The following STPG2 variants were observed in gnomAD, a reference collection of about 807,000 sequenced individuals.
STPG2 encodes sperm tail PG-rich repeat containing 2, also known as sperm-tail PG-rich repeat-containing protein 2.
STPG2 carries 56 observed loss-of-function variants against 54.2 expected under a neutral mutation model. That is an observed-to-expected ratio of 1.03 (90% CI 0.83 to 1.29). The LOEUF is 1.29. Among genes scored for constraint, STPG2 ranks in the 50% most tolerant of loss-of-function variants. STPG2 has a pLI of 0.00. For missense variants in STPG2, 596 were observed against 544.9 expected (o/e 1.09, Z -0.93); for synonymous variants, 200 against 181.8 (o/e 1.10, Z -0.81).
At chr4:97,728,225 A>C (rs1724682161) in intron 9 of STPG2, among the ~76,000 whole-genome samples, 1 of 152,008 alleles carries the variant, frequency 6.6e-6, no homozygotes. Context: ...TCAAAAAAAA[A>C]ATCTCAGCAG....
At chr4:97,946,620 G>C (rs57215113) in intron 7 of STPG2, among the ~76,000 whole-genome samples, 1 of 152,206 alleles carries the variant, frequency 6.6e-6, no homozygotes, top group African/African-American at 2.4e-5. Context: ...TAGCTATTCA[G>C]TTTTCCCAGG....
intron 7 of STPG2, among the ~76,000 whole-genome samples, chr4:97,958,067 G>C (rs953052506): frequency 1.2e-4 from 18 of 152,100 alleles, no homozygotes; most frequent in African/African-American, 3.6e-4. Flanking sequence ...CCAGTACTTT[G>C]GGAGGCAGAG....
At chr4:97,943,625 C>T (rs1733078234) in intron 8 of STPG2, among the ~76,000 whole-genome samples, 1 of 152,156 alleles carries the variant, frequency 6.6e-6, no homozygotes, top group Non-Finnish European at 1.5e-5. Context: ...TACAACACAG[C>T]AAGTTCAGCT....
chr4:97,981,075 T>C lies in STPG2; in HGVS notation c.772+84A>G, dbSNP rs1296881202. 5 of 1,414,456 alleles carry C rather than the reference T, an allele frequency of 3.5e-6. No homozygotes were observed. In the Admixed American group the frequency reaches 7.0e-5, roughly 20 times the overall value. The allele number at this position is 1,414,456 out of a possible 1,614,324, so 87.6% of individuals were successfully genotyped here. On this transcript the variant is annotated intron_variant, in intron 6 of 10. Transcript: ENST00000295268. ...CAACCATAGGACAAAAAAGAAAACA[T>C]ACTCTCTGGTGTATCCATCTTGTTA...
At chr4:97,509,153 G>A (rs1467861706) in intron 4 of STPG2, among the ~76,000 whole-genome samples, 2 of 151,926 alleles carry the variant, frequency 1.3e-5, no homozygotes, top group South Asian at 2.1e-4. Context: ...CCAGGGTTTC[G>A]ATTTTGAACC....
At chr4:97,480,618 T>C (rs1730196520) in intron 4 of STPG2, among the ~76,000 whole-genome samples, 1 of 151,584 alleles carries the variant, frequency 6.6e-6, no homozygotes, top group Non-Finnish European at 1.5e-5. Context: ...ATTTTCTTTT[T>C]AATTTTAGCT....
At chr4:97,658,709 T>C (rs1272882900) in intron 10 of STPG2, among the ~76,000 whole-genome samples, 1 of 152,038 alleles carries the variant, frequency 6.6e-6, no homozygotes, top group East Asian at 1.9e-4. Context: ...TTGCAAGGAG[T>C]ACTTGATTTG....
rs191939318 is a variant in STPG2, at chr4:97,994,693, G to A, written c.613-13375C>T. 1.4e-3 allele frequency among the ~76,000 whole-genome samples: 215 copies of A among 152,286 alleles called. 2 individuals carry two copies. Among genetic ancestry groups the A allele is most frequent in the Admixed American group, 2.6e-3 (40 of 15,296 alleles). On this transcript the variant is annotated intron_variant, in intron 5 of 10. Coordinates refer to ENST00000295268, the MANE Select transcript of STPG2 (RefSeq NM_174952.3). The stretch of plus-strand genomic sequence containing the variant: ...GCCATGAATACCAGCACCTACTCTG[G>A]TGGAGGTAGCAGGGGAGTGAAGTGG...
At chr4:97,702,737 G>T (rs1723814229) in intron 10 of STPG2, among the ~76,000 whole-genome samples, 1 of 152,128 alleles carries the variant, frequency 6.6e-6, no homozygotes, top group South Asian at 2.1e-4. Context: ...AGTGTCCCCA[G>T]CTTCATCAGG....
chr4:97,493,008 T>G (rs958767005), intron 4 of STPG2, among the ~76,000 whole-genome samples: 11 of 150,060 alleles, frequency 7.3e-5, no homozygotes, highest in Middle Eastern at 3.4e-3. Flanking sequence ...AGTAATGTCC[T>G]GAGATTTCTG....
chr4:97,961,160 A>G (rs983565937), intron 7 of STPG2, among the ~76,000 whole-genome samples: 1 of 152,256 alleles, frequency 6.6e-6, no homozygotes, highest in Admixed American at 6.5e-5. Flanking sequence ...AGGAGAATGA[A>G]ACTGAATCCT....
chr4:98,106,157 C>A, intron 4 of STPG2, 93 bp from the exon 5 acceptor site: 1 of 899,522 alleles, frequency 1.1e-6, no homozygotes, highest in Non-Finnish European at 1.6e-6. Flanking sequence ...GCAACATGTC[C>A]TGCAATTAAA....
intron 8 of STPG2, among the ~76,000 whole-genome samples, chr4:97,924,932 T>C (rs1201249034): frequency 6.6e-6 from 1 of 152,214 alleles, no homozygotes; most frequent in Non-Finnish European, 1.5e-5. Context: ...ATGCCATAGA[T>C]GCAGCAGCAG....
chr4:97,571,482 T>C (rs1466368215), intron 10 of STPG2, among the ~76,000 whole-genome samples: 1 of 152,160 alleles, frequency 6.6e-6, no homozygotes, highest in Non-Finnish European at 1.5e-5. Flanking sequence ...CTATTCTCTC[T>C]GAAGCCTGCC....
intron 9 of STPG2, among the ~76,000 whole-genome samples, 168 bp downstream of exon 9, chr4:97,840,605 T>A (rs113079266): frequency 6.6e-6 from 1 of 151,594 alleles, no homozygotes; most frequent in Non-Finnish European, 1.5e-5. Context: ...AATAATGTTG[T>A]TTAGTTCAAT....
At chr4:98,027,693 C>T (rs559590303) in intron 5 of STPG2, among the ~76,000 whole-genome samples, 3 of 152,328 alleles carry the variant, frequency 2.0e-5, no homozygotes, top group South Asian at 2.1e-4. Flanking sequence ...GTAAGGAAAA[C>T]TCCATTGAGT....
chr4:98,099,963 T>C (rs1040613470), intron 5 of STPG2, among the ~76,000 whole-genome samples: 5 of 152,126 alleles, frequency 3.3e-5, no homozygotes, highest in Non-Finnish European at 7.4e-5. Flanking sequence ...TTCCATGATA[T>C]GATTATTACA....
At chr4:98,113,882 C>T (rs1194982721) in intron 3 of STPG2, among the ~76,000 whole-genome samples, 1 of 151,950 alleles carries the variant, frequency 6.6e-6, no homozygotes, top group Non-Finnish European at 1.5e-5. Flanking sequence ...GGGAGTCAGA[C>T]CATCCAAAGG....
intron 3 of STPG2, among the ~76,000 whole-genome samples, chr4:98,110,529 C>A (rs762345389): frequency 1.3e-5 from 2 of 152,070 alleles, no homozygotes; most frequent in Non-Finnish European, 2.9e-5. Context: ...GAACAGCCCA[C>A]CCCAAGGAAA....
Sources: allele counts gnomAD v4.1 joint callset (sites outside exome capture counted in the v4.1 genomes callset), GRCh38; gene constraint gnomAD v4.1.1; transcripts MANE v1.5; gene names NCBI Gene and HGNC (gene_info 2026-07-23, HGNC 2026-07-21).